The following ULK4 variants were observed in gnomAD, a reference collection of about 807,000 sequenced individuals.
ULK4 encodes inactive serine/threonine-protein kinase ULK4.
ULK4 carries 133 observed loss-of-function variants against 160.6 expected under a neutral mutation model. The observed-to-expected ratio is 0.83, with a 90% CI of 0.72 to 0.96. ULK4 has a LOEUF of 0.96. Among genes scored for constraint, ULK4 ranks in the 40% least tolerant of loss-of-function variants. The probability of loss-of-function intolerance (pLI) is 0.00; values close to 1 mark genes in which losing one functional copy is unlikely to be tolerated. For synonymous variants in ULK4, 534 were observed against 539.8 expected (o/e 0.99, Z 0.15); for missense variants, 1,580 against 1,499.5 (o/e 1.05, Z -0.89).
At chr3:41,397,746 T>C (rs2082092059) in intron 35 of ULK4, among the ~76,000 whole-genome samples, 1 of 152,164 alleles carries the variant, frequency 6.6e-6, no homozygotes, top group Non-Finnish European at 1.5e-5. Flanking sequence ...GGTAAAGGAA[T>C]TTTATCAGTG....
At chr3:41,835,738 T>C (rs2041734260) in intron 18 of ULK4, 126 bp downstream of exon 18, 1 of 583,068 alleles carries the variant, frequency 1.7e-6, no homozygotes, top group Non-Finnish European at 3.0e-6. Flanking sequence ...AGGTAAAATT[T>C]ATCCTAAGTT....
intron 32 of ULK4, among the ~76,000 whole-genome samples, chr3:41,484,158 C>T (rs778671931): frequency 1.5e-4 from 23 of 152,164 alleles, no homozygotes; most frequent in Non-Finnish European, 2.5e-4. Flanking sequence ...ACTTCTGAGT[C>T]AGCATCAGGT....
intron 5 of ULK4, among the ~76,000 whole-genome samples, chr3:41,923,349 ATT>A: frequency 6.6e-6 from 1 of 151,966 alleles, no homozygotes; most frequent in African/African-American, 2.4e-5. Flanking sequence ...AAATACAAAA[ATT>A]AGCTGGGCAT....
chr3:41,522,495 T>C (rs1188208657), intron 32 of ULK4, among the ~76,000 whole-genome samples: 2 of 152,176 alleles, frequency 1.3e-5, no homozygotes, highest in African/African-American at 2.4e-5. Flanking sequence ...ATTGAAAATA[T>C]GGCTTTGATA....
chr3:41,321,839 G>A (rs1187886082), intron 35 of ULK4, among the ~76,000 whole-genome samples: 1 of 143,706 alleles, frequency 7.0e-6, no homozygotes, highest in Non-Finnish European at 1.5e-5. Flanking sequence ...CCCAAGTGTT[G>A]GCAGGCCACT....
intron 25 of ULK4, among the ~76,000 whole-genome samples, chr3:41,708,760 A>G (rs1575592607): frequency 6.6e-6 from 1 of 152,218 alleles, no homozygotes; most frequent in East Asian, 1.9e-4. Flanking sequence ...ACAAAAACAA[A>G]TATGTGAAGT....
intron 17 of ULK4, among the ~76,000 whole-genome samples, chr3:41,871,218 T>C (rs1697077941): frequency 6.6e-6 from 1 of 152,184 alleles, no homozygotes; most frequent in African/African-American, 2.4e-5. Flanking sequence ...TCAAGAATGG[T>C]ATATTAATAT....
chr3:41,548,990 T>A (rs2086968539), intron 32 of ULK4, among the ~76,000 whole-genome samples: 1 of 152,032 alleles, frequency 6.6e-6, no homozygotes, highest in Non-Finnish European at 1.5e-5. Flanking sequence ...GAACCCTGAA[T>A]CAAAGCTGAA....
At chr3:41,629,479 G>A (rs1191307012) in intron 30 of ULK4, among the ~76,000 whole-genome samples, 3 of 152,110 alleles carry the variant, frequency 2.0e-5, no homozygotes, top group African/African-American at 7.2e-5. Context: ...ACCTAGCTTT[G>A]GAGGTCATAA....
intron 32 of ULK4, among the ~76,000 whole-genome samples, chr3:41,546,476 A>T (rs2086867375): frequency 6.6e-6 from 1 of 152,056 alleles, no homozygotes; most frequent in African/African-American, 2.4e-5. Flanking sequence ...AACATCTTTC[A>T]TTACCATTCA....
chr3:41,683,981 C>G (rs1559483381), intron 27 of ULK4, among the ~76,000 whole-genome samples: 1 of 152,200 alleles, frequency 6.6e-6, no homozygotes, highest in Non-Finnish European at 1.5e-5. Context: ...TTGCGTCACT[C>G]ACGTCCTGAT....
chr3:41,822,313 C>T (rs894083246), intron 18 of ULK4, among the ~76,000 whole-genome samples: 3 of 152,192 alleles, frequency 2.0e-5, no homozygotes, highest in Non-Finnish European at 2.9e-5. Flanking sequence ...TTCTTAATAA[C>T]GGCCGTAATC....
chr3:41,497,946 C>A (rs532628433), intron 32 of ULK4, among the ~76,000 whole-genome samples: 1 of 152,162 alleles, frequency 6.6e-6, no homozygotes, highest in African/African-American at 2.4e-5. Flanking sequence ...TAGAAAAACC[C>A]ATCATAACTG....
chr3:41,638,951 T>C (rs2034068602), intron 30 of ULK4, among the ~76,000 whole-genome samples: 1 of 152,212 alleles, frequency 6.6e-6, no homozygotes. Context: ...CACAAGTACT[T>C]TGTTAATTCT....
At chr3:41,412,030 A>T (rs2082419753) in intron 34 of ULK4, among the ~76,000 whole-genome samples, 1 of 152,204 alleles carries the variant, frequency 6.6e-6, no homozygotes, top group South Asian at 2.1e-4. Flanking sequence ...CGTAAGTCTG[A>T]TCCTGTATGT....
intron 21 of ULK4, among the ~76,000 whole-genome samples, chr3:41,771,462 T>A (rs2039371195): frequency 6.6e-6 from 1 of 152,196 alleles, no homozygotes; most frequent in African/African-American, 2.4e-5. Flanking sequence ...ATTTATGATT[T>A]GTACATTCTA....
intron 17 of ULK4, among the ~76,000 whole-genome samples, chr3:41,856,535 A>ATATATATG (rs2042346468): frequency 1.9e-5 from 2 of 105,652 alleles, no homozygotes; most frequent in African/African-American, 1.0e-4. Context: ...ATATATATGT[A>ATATATATG]TGTATATATA....
intron 34 of ULK4, among the ~76,000 whole-genome samples, chr3:41,416,176 C>T (rs1362879017): frequency 6.6e-6 from 1 of 152,190 alleles, no homozygotes; most frequent in African/African-American, 2.4e-5. Context: ...CAAGACCTGA[C>T]AGAGAAGATG....
intron 27 of ULK4, among the ~76,000 whole-genome samples, chr3:41,691,042 C>G (rs180752996): frequency 6.6e-6 from 1 of 151,730 alleles, no homozygotes; most frequent in Non-Finnish European, 1.5e-5. Flanking sequence ...GATAGAAACA[C>G]CTGAAACTGG....
Sources: allele counts gnomAD v4.1 joint callset (sites outside exome capture counted in the v4.1 genomes callset), GRCh38; gene constraint gnomAD v4.1.1; transcripts MANE v1.5; gene names NCBI Gene and HGNC (gene_info 2026-07-23, HGNC 2026-07-21).